Variants in CALCOCO1 observed in about 807,000 individuals in gnomAD.
CALCOCO1 encodes the protein calcium binding and coiled-coil domain 1.
In CALCOCO1, 44 loss-of-function variants were observed where a neutral mutation model predicts 86.3. That is an observed-to-expected ratio of 0.51 (90% CI 0.40 to 0.66). The LOEUF is 0.66. CALCOCO1 is among the 30% of genes least tolerant of loss of function. The pLI is 0.00. For synonymous variants in CALCOCO1, 297 were observed against 327.6 expected, an observed-to-expected ratio of 0.91 and a Z score of 1.01; for missense variants, 708 against 851.1, an observed-to-expected ratio of 0.83 and a Z score of 2.09.
chr12:53,726,496 C>T (rs1308811635), intron 1 of CALCOCO1, among the ~76,000 whole-genome samples: 2 of 152,146 alleles, frequency 1.3e-5, no homozygotes, highest in African/African-American at 4.8e-5. Flanking sequence ...TCCTTTCCAG[C>T]CCACTAATCT....
chr12:53,721,480 C>T lies in CALCOCO1; in HGVS notation c.745G>A (p.Val249Met). 1.2e-6 allele frequency: 2 copies of T among 1,610,506 alleles called. No homozygotes were observed. Among genetic ancestry groups the T allele is most frequent in the East Asian group, 4.5e-5 (2 of 44,768 alleles). Residue 249 changes from valine to methionine, a missense_variant, in exon 6 of 15, where the codon GTG (valine) becomes ATG (methionine). By Grantham distance (21) the Val-to-Met change is conservative. Coordinates refer to ENST00000550804, the MANE Select transcript of CALCOCO1 (RefSeq NM_020898.3). ...TISEKVLTKE[V>M]ELDRLRDTVK... ...GACTCCCCTCACCTGTCCAGCTCCA[C>T]TTCCTTCGTCAGCACTTTCTCACTG...
intron 14 of CALCOCO1, 42 bp downstream of exon 14, chr12:53,713,058 A>G: frequency 6.5e-7 from 1 of 1,548,920 alleles, no homozygotes; most frequent in Non-Finnish European, 8.9e-7. Context: ...TTTCCCTCTG[A>G]CCTCCTCCCA....
chr12:53,717,850 C>A (rs1422666398), intron 7 of CALCOCO1, among the ~76,000 whole-genome samples: 1 of 152,082 alleles, frequency 6.6e-6, no homozygotes. Flanking sequence ...ATGGTGAAAC[C>A]CCATCTCTAC....
intron 13 of CALCOCO1, among the ~76,000 whole-genome samples, 177 bp from the exon 14 acceptor site, chr12:53,713,383 G>C (rs184871731): frequency 6.6e-6 from 1 of 152,178 alleles, no homozygotes; most frequent in African/African-American, 2.4e-5. Flanking sequence ...GAATGACTGT[G>C]GGGGAGAAGC....
intron 13 of CALCOCO1, among the ~76,000 whole-genome samples, 164 bp downstream of exon 13, chr12:53,713,537 G>C (rs1945636502): frequency 6.6e-6 from 1 of 152,224 alleles, no homozygotes; most frequent in Admixed American, 6.5e-5. Flanking sequence ...GGGGGTGCCT[G>C]CCTGTGGTCC....
Position 53,714,816 on chromosome 12 carries a change from G to GAC in CALCOCO1, c.1387-125_1387-124dup, listed in dbSNP as rs148600317. 44 of 654,742 alleles carry GAC rather than the reference G, an allele frequency of 6.7e-5. 1 individual carries two copies. Among genetic ancestry groups the GAC allele is most frequent in the South Asian group, 5.6e-4 (32 of 56,710 alleles). 40.6% of individuals were successfully genotyped at this position (654,742 alleles called of 1,614,324 possible). On this transcript the variant is annotated intron_variant, in intron 10 of 14. Coordinates refer to ENST00000550804, the MANE Select transcript of CALCOCO1 (RefSeq NM_020898.3). The stretch of plus-strand genomic sequence containing the variant: ...CATGCCTCTGCTTCTTCCCTGCTCT[G>GAC]ACACACACACACAGGAATTCCCAAC...
Position 53,721,403 on chromosome 12 carries a change from G to A in CALCOCO1, c.758+64C>T, listed in dbSNP as rs552461842. Reference sequence around the variant, plus strand: ...ACAGCAGGTCTGCTTGCCTGAGAGAGGGGGCTGGAGTGCGGGGGTCATGGA... The same window carrying A: ...ACAGCAGGTCTGCTTGCCTGAGAGAAGGGGCTGGAGTGCGGGGGTCATGGA... On this transcript the variant is annotated intron_variant, in intron 6 of 14. Coordinates refer to ENST00000550804, the MANE Select transcript of CALCOCO1 (RefSeq NM_020898.3). 1.8e-5 allele frequency: 26 copies of A among 1,440,616 alleles called. No individual in the cohort carries two copies. The Admixed American group carries it at 4.9e-4, about 27-fold the overall frequency. The allele number at this position is 1,440,616 out of a possible 1,614,324, so 89.2% of individuals were successfully genotyped here.
intron 3 of CALCOCO1, chr12:53,724,266 G>A (rs1277340950): frequency 2.1e-5 from 8 of 377,296 alleles, no homozygotes; most frequent in Admixed American, 3.6e-5. Flanking sequence ...TAAGATAACC[G>A]ACACAGGGAG....
intron 4 of CALCOCO1, 27 bp from the exon 5 acceptor site, chr12:53,722,210 G>T: frequency 6.2e-7 from 1 of 1,609,858 alleles, no homozygotes; most frequent in Non-Finnish European, 8.5e-7. Flanking sequence ...GAGAAGGGGA[G>T]TGTGCTGGTG....
At position 53,709,529 on chromosome 12, in the gene CALCOCO1, T is replaced by TG. The variant is rs1201999210; in HGVS notation, c.*2414dup. The TG allele has an allele frequency of 6.6e-6, 1 of 151,976 alleles. No individual in the cohort carries two copies. Among genetic ancestry groups the TG allele is most frequent in the South Asian group, 2.1e-4 (1 of 4,802 alleles). 9.4% of individuals were successfully genotyped at this position (151,976 alleles called of 1,614,324 possible). ...CATGTTGAGGAGCCTGGTGGGGGGT[T>TG]GGGGGGCTTCATGGAGGAGGGGAGT... On this transcript the variant is annotated 3_prime_UTR_variant, in exon 15 of 15. Transcript: ENST00000550804.
At position 53,708,563 on chromosome 12, in the gene CALCOCO1, A is replaced by G. The variant is rs376819503; in HGVS notation, c.*3381T>C. 6.6e-6 allele frequency: 1 copy of G among 152,176 alleles called. No homozygotes were observed. Among genetic ancestry groups the G allele is most frequent in the South Asian group, 2.1e-4 (1 of 4,832 alleles). The allele number at this position is 152,176 out of a possible 1,614,324, so 9.4% of individuals were successfully genotyped here. ...TATTTGAAGCTAGTTGGTGAGCTCA[A>G]TGATGTTCACTTTATTATTCATTAC... On this transcript the variant is annotated 3_prime_UTR_variant, in exon 15 of 15. Transcript: ENST00000550804.
chr12:53,716,243 C>T lies in CALCOCO1; in HGVS notation c.1005+17G>A. Reference sequence around the variant, plus strand: ...CTTGGAATTTCCCGTTTCCTGTTGCCAAGGGGCCTCACTCACCACCCGCTG... The same window carrying T: ...CTTGGAATTTCCCGTTTCCTGTTGCTAAGGGGCCTCACTCACCACCCGCTG... On this transcript the variant is annotated intron_variant, in intron 8 of 14. Transcript: ENST00000550804. The T allele has an allele frequency of 6.2e-7, 1 of 1,612,696 alleles. No homozygotes were observed. Among genetic ancestry groups the T allele is most frequent in the Non-Finnish European group, 8.5e-7 (1 of 1,179,460 alleles).
At chr12:53,721,422 T>C (rs764395536) in intron 6 of CALCOCO1, 45 bp downstream of exon 6, 6 of 1,525,348 alleles carry the variant, frequency 3.9e-6, no homozygotes, top group Non-Finnish European at 5.3e-6. Flanking sequence ...AGTGCGGGGG[T>C]CATGGAAGGG....
intron 7 of CALCOCO1, 82 bp downstream of exon 7, chr12:53,719,657 T>C: frequency 1.1e-6 from 1 of 904,562 alleles, no homozygotes. Context: ...TACATTTTTA[T>C]TCCCTTTGGT....
chr12:53,716,226 T>G, intron 8 of CALCOCO1, 34 bp downstream of exon 8: 1 of 1,610,832 alleles, frequency 6.2e-7, no homozygotes, highest in Non-Finnish European at 8.5e-7. Flanking sequence ...CCCTTGGAAT[T>G]TCCCGTTTCC....
chr12:53,711,863 G>A lies in CALCOCO1; in HGVS notation c.*81C>T, dbSNP rs1369293140. On this transcript the variant is annotated 3_prime_UTR_variant, in exon 15 of 15. Coordinates refer to ENST00000550804, the MANE Select transcript of CALCOCO1 (RefSeq NM_020898.3). ...CATGGAGCCCAGTGTGATAGAAAAT[G>A]GGCATGAAACCTAAGTGTATGCATG... 8.2e-7 allele frequency: 1 copy of A among 1,212,418 alleles called. No homozygotes were observed. The highest frequency in any genetic ancestry group is 1.1e-6 in the Non-Finnish European group (1 of 898,614). The allele number at this position is 1,212,418 out of a possible 1,614,324, so 75.1% of individuals were successfully genotyped here.
In CALCOCO1 at chr12:53,724,762, G is replaced by C; in HGVS notation, c.157-15C>G. The C allele has an allele frequency of 6.2e-7, 1 of 1,600,636 alleles. No homozygotes were observed. The highest frequency in any genetic ancestry group is 8.5e-7 in the Non-Finnish European group (1 of 1,170,858). On this transcript the variant is annotated splice_polypyrimidine_tract_variant and intron_variant, in intron 2 of 14. Coordinates refer to ENST00000550804, the MANE Select transcript of CALCOCO1 (RefSeq NM_020898.3). The stretch of plus-strand genomic sequence containing the variant: ...GCAGCCTCCACCTGTGAAAGCCCAA[G>C]GTTGGAGAAAGGTATGGTCATGGAA...
intron 6 of CALCOCO1, 34 bp downstream of exon 6, chr12:53,721,433 A>C: frequency 1.3e-6 from 2 of 1,561,238 alleles, no homozygotes; most frequent in Non-Finnish European, 1.7e-6. Context: ...CATGGAAGGG[A>C]GAGGAAGTGA....
Position 53,725,269 on chromosome 12 carries a change from A to G in CALCOCO1, c.-24-3T>C, listed in dbSNP as rs1480513833. 8 of 1,550,994 alleles carry G rather than the reference A, an allele frequency of 5.2e-6. No homozygotes were observed. The highest frequency in any genetic ancestry group is 7.0e-6 in the Non-Finnish European group (8 of 1,148,998). ...CTGGCCTTGAGATATCTGTCCTCCT[A>G]TGAAAGAAAGGGTTGATAGCCTAAA... On this transcript the variant is annotated splice_region_variant and splice_polypyrimidine_tract_variant and intron_variant, in intron 1 of 14. Coordinates refer to ENST00000550804, the MANE Select transcript of CALCOCO1 (RefSeq NM_020898.3).
Sources: allele counts gnomAD v4.1 joint callset (sites outside exome capture counted in the v4.1 genomes callset), GRCh38; gene constraint gnomAD v4.1.1; transcripts MANE v1.5; gene names NCBI Gene and HGNC (gene_info 2026-07-23, HGNC 2026-07-21).